PACRG: variants seen among roughly 807,000 people sequenced by gnomAD.
PACRG encodes the protein parkin coregulated, also known as parkin coregulated gene protein.
A neutral mutation model predicts 29.7 loss-of-function variants in PACRG; 29 were observed. The observed-to-expected ratio is 0.98, with a 90% confidence interval of 0.73 to 1.33. PACRG has a LOEUF of 1.33. Ranked by LOEUF, PACRG falls within the 40% of genes most tolerant of loss-of-function variation. PACRG has a pLI of 0.00. For missense variants in PACRG, 279 were observed against 316.2 expected (o/e 0.88, Z 0.89); for synonymous variants, 116 against 118.7 (o/e 0.98, Z 0.15).
chr6:162,823,235 A>G (rs1333209898), intron 2 of PACRG, among the ~76,000 whole-genome samples: 2 of 152,142 alleles, frequency 1.3e-5, no homozygotes, highest in East Asian at 3.9e-4. Flanking sequence ...TTGTGTAATT[A>G]AAAATTGCTT....
chr6:162,886,429 T>G (rs1403272739), intron 2 of PACRG, among the ~76,000 whole-genome samples: 2 of 152,214 alleles, frequency 1.3e-5, no homozygotes, highest in African/African-American at 4.8e-5. Flanking sequence ...CATTCTTATG[T>G]ATCCTGTGGA....
At chr6:163,263,396 G>A (rs1027437745) in intron 4 of PACRG, among the ~76,000 whole-genome samples, 2 of 152,144 alleles carry the variant, frequency 1.3e-5, no homozygotes, top group African/African-American at 4.8e-5. Context: ...CGCAGCCTCT[G>A]TGTTTCTGTC....
At chr6:162,779,528 C>T (rs144134918) in intron 1 of PACRG, among the ~76,000 whole-genome samples, 2 of 152,290 alleles carry the variant, frequency 1.3e-5, no homozygotes, top group Non-Finnish European at 2.9e-5. Flanking sequence ...CTTTACTCCT[C>T]TGAGGCTTCC....
At chr6:163,085,759 G>A (rs1057457874) in intron 3 of PACRG, among the ~76,000 whole-genome samples, 15 of 152,198 alleles carry the variant, frequency 9.9e-5, no homozygotes, top group African/African-American at 2.9e-4. Flanking sequence ...TAGACTAGGC[G>A]TGGGACTTGA....
At chr6:162,939,557 T>G (rs1458225086) in intron 2 of PACRG, among the ~76,000 whole-genome samples, 3 of 152,286 alleles carry the variant, frequency 2.0e-5, no homozygotes, top group Non-Finnish European at 2.9e-5. Context: ...TCTTTATTCC[T>G]TACTCTTCTT....
chr6:163,045,939 G>A (rs1404723980), intron 2 of PACRG, among the ~76,000 whole-genome samples: 2 of 151,996 alleles, frequency 1.3e-5, no homozygotes, highest in Non-Finnish European at 2.9e-5. Flanking sequence ...ACCCCAAGAT[G>A]TTCACTCCTA....
chr6:162,780,383 C>G (rs749360466), intron 1 of PACRG, among the ~76,000 whole-genome samples: 8 of 152,110 alleles, frequency 5.3e-5, no homozygotes, highest in Non-Finnish European at 7.4e-5. Flanking sequence ...AATAAGTTAA[C>G]CATGTTCCAG....
intron 2 of PACRG, among the ~76,000 whole-genome samples, chr6:163,025,987 A>G (rs370857045): frequency 1.9e-3 from 286 of 152,372 alleles, no homozygotes; most frequent in South Asian, 0.012. Context: ...TAGTTAAACT[A>G]TTCTAAAATT....
chr6:163,112,846 A>G (rs1815786275), intron 4 of PACRG, among the ~76,000 whole-genome samples: 1 of 152,238 alleles, frequency 6.6e-6, no homozygotes, highest in South Asian at 2.1e-4. Flanking sequence ...CACAAGGCAT[A>G]CAAAGAAACA....
intron 2 of PACRG, among the ~76,000 whole-genome samples, chr6:162,895,271 C>CAA (rs35275122): frequency 0.28 from 26,097 of 93,100 alleles, 3,271 homozygotes; most frequent in Middle Eastern, 0.33. Flanking sequence ...CCCTCTCTCT[C>CAA]AAAAAAAAAA....
intron 2 of PACRG, among the ~76,000 whole-genome samples, chr6:162,826,689 C>T (rs967739637): frequency 1.3e-5 from 2 of 152,106 alleles, no homozygotes; most frequent in Non-Finnish European, 2.9e-5. Flanking sequence ...TCTCGAACTC[C>T]TGACCTCAGG....
chr6:163,211,145 G>A (rs775457525), intron 4 of PACRG, among the ~76,000 whole-genome samples: 3 of 151,944 alleles, frequency 2.0e-5, no homozygotes, highest in Non-Finnish European at 4.4e-5. Context: ...CATTATGACA[G>A]CAACACTTAA....
intron 4 of PACRG, among the ~76,000 whole-genome samples, chr6:163,284,725 G>A (rs1179076781): frequency 2.6e-5 from 4 of 151,374 alleles, no homozygotes; most frequent in Admixed American, 1.3e-4. Flanking sequence ...CCCTTCTGAT[G>A]CCTCTCAGGG....
chr6:163,016,376 G>A lies in PACRG; in HGVS notation c.292-45774G>A, dbSNP rs1806109826. ...TCTGGGAAAAATACAAAAATTCTGT[G>A]TGTTTAATTTTAGCAGATTAAGAAA... is the stretch of plus-strand genomic sequence containing the variant. On this transcript the variant is annotated intron_variant, in intron 2 of 4. Transcript: ENST00000366888. 3 of 152,130 alleles carry A rather than the reference G, an allele frequency of 2.0e-5. 1 individual carries two copies. In the South Asian group the frequency reaches 6.2e-4, roughly 31 times the overall value. 9.4% of individuals were successfully genotyped at this position (152,130 alleles called of 1,614,324 possible). A position where few individuals can be genotyped will look rare whatever the true frequency, so the allele number is the denominator to read the frequency against.
At chr6:163,262,869 C>T (rs562116339) in intron 4 of PACRG, among the ~76,000 whole-genome samples, 5 of 146,998 alleles carry the variant, frequency 3.4e-5, no homozygotes, top group South Asian at 2.3e-4. Flanking sequence ...TAGTGAGACC[C>T]CCCCCCCCAT....
chr6:163,022,303 AC>A (rs1806707972), intron 2 of PACRG, among the ~76,000 whole-genome samples: 1 of 152,222 alleles, frequency 6.6e-6, no homozygotes, highest in Admixed American at 6.5e-5. Context: ...ACAGCTAAAC[AC>A]ATGATGTAAT....
chr6:162,990,546 G>A (rs1186764891), intron 2 of PACRG, among the ~76,000 whole-genome samples: 1 of 119,808 alleles, frequency 8.3e-6, no homozygotes, highest in Non-Finnish European at 1.6e-5. Context: ...CTTTTGAGAA[G>A]TGTCTGTTCA....
intron 2 of PACRG, among the ~76,000 whole-genome samples, chr6:163,003,575 G>A (rs1584983352): frequency 6.6e-6 from 1 of 152,036 alleles, no homozygotes; most frequent in African/African-American, 2.4e-5. Context: ...GCCAAATATT[G>A]TTTTTAATTA....
intron 2 of PACRG, among the ~76,000 whole-genome samples, chr6:163,002,385 C>T (rs1291626945): frequency 6.6e-6 from 1 of 152,136 alleles, no homozygotes; most frequent in Non-Finnish European, 1.5e-5. Flanking sequence ...CTTCCTTCCA[C>T]TTGACCTTCA....
Sources: allele counts gnomAD v4.1 joint callset (sites outside exome capture counted in the v4.1 genomes callset), GRCh38; gene constraint gnomAD v4.1.1; transcripts MANE v1.5; gene names NCBI Gene and HGNC (gene_info 2026-07-23, HGNC 2026-07-21).